Variants in SLF2 observed in about 807,000 individuals in gnomAD.
SLF2 encodes the protein SMC5/6 complex localization factor 2, also known as SMC5-SMC6 complex localization factor protein 2.
Under a neutral mutation model 124.3 loss-of-function variants are expected in SLF2, and 68 were observed. The ratio of observed to expected loss-of-function variants is 0.55; its 90% CI spans 0.45 to 0.67. SLF2 has a LOEUF of 0.67. Among genes scored for constraint, SLF2 ranks in the 30% least tolerant of loss-of-function variants. The pLI, the probability that SLF2 is intolerant of heterozygous loss-of-function variation, is 0.00. For synonymous variants in SLF2, 480 were observed against 478.8 expected, an observed-to-expected ratio of 1.00 and a Z score of -0.03; for missense variants, 1,246 against 1,373.7, an observed-to-expected ratio of 0.91 and a Z score of 1.47.
Position 100,956,548 on chromosome 10 carries a change from T to C in SLF2, c.3417+11T>C. On this transcript the variant is annotated intron_variant, in intron 18 of 19. Transcript: ENST00000238961. ...TTTTACAGAACTAAGGTAAGTGTGT[T>C]CTTTCTTTTTTTCTTTTTTTTTTTC... The C allele has an allele frequency of 2.6e-6, 4 of 1,566,958 alleles. No homozygotes were observed. The highest frequency in any genetic ancestry group is 3.5e-6 in the Non-Finnish European group (4 of 1,157,498).
chr10:100,920,970 A>G (rs961023947), intron 4 of SLF2, among the ~76,000 whole-genome samples: 1 of 152,186 alleles, frequency 6.6e-6, no homozygotes, highest in Non-Finnish European at 1.5e-5. Context: ...ATAAATAAAA[A>G]TAAAAATCCA....
At chr10:100,927,195 C>T (rs181576860) in intron 6 of SLF2, among the ~76,000 whole-genome samples, 1 of 152,078 alleles carries the variant, frequency 6.6e-6, no homozygotes, top group East Asian at 1.9e-4. Context: ...CATCTAGCTA[C>T]AGAACTTTTT....
chr10:100,953,311 T>C lies in SLF2; in HGVS notation c.3330+2558T>C, dbSNP rs1446622938. Among the ~76,000 whole-genome samples the C allele has an allele frequency of 2.0e-5, 3 of 147,302 alleles. No individual in the cohort carries two copies. The East Asian group carries it at 7.0e-4, about 35-fold the overall frequency. ...CTGGGATTACAGGCCTGATCCACCA[T>C]GCCGGCTATAAATTACTTTTTATGA... On this transcript the variant is annotated intron_variant, in intron 17 of 19. Transcript: ENST00000238961.
Position 100,924,734 on chromosome 10 carries a change from C to T in SLF2, c.1733C>T (p.Ser578Leu). The T allele has an allele frequency of 6.2e-7, 1 of 1,614,152 alleles. No individual in the cohort carries two copies. Among genetic ancestry groups the T allele is most frequent in the African/African-American group, 1.3e-5 (1 of 75,026 alleles). The change falls in exon 5 of 20, where the codon TCA (serine) becomes TTA (leucine). Residue 578 changes from serine (S) to leucine (L), a missense_variant. Transcript: ENST00000238961. ...GCAGCACCTTCAGATAAAGCCCCTT[C>T]AGAAGGAGAGAGTTCAGGAAATTCC... ...SPAAPSDKAP[S>L]EGESSGNSNA...
intron 18 of SLF2, 24 bp downstream of exon 18, chr10:100,956,561 C>CTTTT: frequency 8.1e-7 from 1 of 1,228,994 alleles, no homozygotes; most frequent in Non-Finnish European, 1.1e-6. Context: ...TTCTTTTTTT[C>CTTTT]TTTTTTTTTT....
rs374005550 is a variant in SLF2, at chr10:100,938,716, C to T, written c.2634C>T (p.Asp878=). 1 of 1,612,270 alleles carries T rather than the reference C, an allele frequency of 6.2e-7. No homozygotes were observed. The highest frequency in any genetic ancestry group is 1.1e-5 in the South Asian group (1 of 90,722). ...TTCCCCTGGAGAATCTTCAGCCAGA[C>T]TTTAATGAAGACTATCTAGTGTAAG... The part of the protein sequence containing the change: ...SLFPLENLQP[D]FNEDYLVSET... The change falls in exon 11 of 20, where the codon GAC becomes GAT. Residue 878 remains aspartate, a synonymous_variant. Coordinates refer to ENST00000238961, the MANE Select transcript of SLF2 (RefSeq NM_018121.4).
chr10:100,934,389 A>G (rs1849804610), intron 9 of SLF2, among the ~76,000 whole-genome samples: 2 of 152,160 alleles, frequency 1.3e-5, no homozygotes, highest in Admixed American at 1.3e-4. Context: ...CCCACCGTGG[A>G]ATTTTTCACC....
chr10:100,957,924 C>G (rs1243526190), intron 18 of SLF2, among the ~76,000 whole-genome samples: 1 of 151,986 alleles, frequency 6.6e-6, no homozygotes, highest in African/African-American at 2.4e-5. Flanking sequence ...TGGTGCGTGC[C>G]TGTAGTCTCA....
intron 18 of SLF2, among the ~76,000 whole-genome samples, chr10:100,956,874 T>C (rs536194694): frequency 1.4e-4 from 21 of 152,254 alleles, no homozygotes; most frequent in Admixed American, 3.3e-4. Context: ...TGCAGTGAGC[T>C]ATGAACACAC....
In SLF2 at chr10:100,917,270, C is replaced by G. The variant is rs1238847869; in HGVS notation, c.885C>G (p.Ile295Met). 1.2e-6 allele frequency: 2 copies of G among 1,611,022 alleles called. No individual in the cohort carries two copies. The highest frequency in any genetic ancestry group is 2.7e-5 in the African/African-American group (2 of 74,696). The change falls in exon 3 of 20, where the codon ATC becomes ATG. Residue 295 changes from isoleucine to methionine, a missense_variant. By Grantham distance (10) the Ile-to-Met change is conservative. Around this residue, in one of 3 missense-constraint regions of SLF2, gnomAD observed 698 missense variants for 708.9 expected, o/e 0.98. Transcript: ENST00000238961. ...PRQEQRKQND[I>M]IPGKNNLSNV... ...AGGAACAAAGGAAACAGAATGACAT[C>G]ATACCTGGAAAAAATAATCTGTCAA... is the stretch of plus-strand genomic sequence containing the variant.
chr10:100,929,364 G>C lies in SLF2; in HGVS notation c.2090G>C (p.Arg697Pro), dbSNP rs372366331. ...KQLQEDIRQGRGIKSPIRIGE... is the reference protein window; with the variant it reads ...KQLQEDIRQGPGIKSPIRIGE... ...CTACAAGAAGACATAAGGCAAGGCC[G>C]AGGCATTAAATCCCCAATCAGAATT... The change falls in exon 7 of 20, where the codon CGA becomes CCA. Residue 697 changes from arginine to proline, a missense_variant. Arg to Pro is a moderately radical substitution (Grantham distance 103, BLOSUM62 -2). Around this residue, in one of 3 missense-constraint regions of SLF2, gnomAD observed 535 missense variants for 632.8 expected, o/e 0.85. Transcript: ENST00000238961. The C allele has an allele frequency of 6.2e-7, 1 of 1,613,216 alleles. No individual in the cohort carries two copies. The highest frequency in any genetic ancestry group is 8.5e-7 in the Non-Finnish European group (1 of 1,179,356).
intron 4 of SLF2, 107 bp from the exon 5 acceptor site, chr10:100,923,868 A>G (rs1849561772): frequency 1.1e-6 from 1 of 871,750 alleles, no homozygotes; most frequent in South Asian, 3.1e-5. Context: ...TCTCAGCCTT[A>G]ATACTTAGAA....
intron 6 of SLF2, among the ~76,000 whole-genome samples, chr10:100,928,039 C>CACA (rs769598763): frequency 8.0e-4 from 36 of 45,054 alleles, no homozygotes; most frequent in African/African-American, 1.3e-3. Flanking sequence ...ACACCCCCCC[C>CACA]CCCCCCCACA....
At chr10:100,918,519 T>G (rs898934432) in intron 4 of SLF2, 78 bp downstream of exon 4, 3 of 923,826 alleles carry the variant, frequency 3.2e-6, no homozygotes, top group Non-Finnish European at 5.0e-6. Flanking sequence ...TAAATTTGTT[T>G]AAATATGCAG....
At chr10:100,945,650 T>A in intron 13 of SLF2, 144 bp downstream of exon 13, 1 of 651,818 alleles carries the variant, frequency 1.5e-6, no homozygotes, top group Non-Finnish European at 2.3e-6. Flanking sequence ...TTGCTGGAGC[T>A]GTATTATTTA....
chr10:100,960,508 T>A (rs1222431535), intron 19 of SLF2, among the ~76,000 whole-genome samples: 5 of 152,240 alleles, frequency 3.3e-5, no homozygotes, highest in Admixed American at 6.5e-5. Flanking sequence ...CCCTAATGAT[T>A]AATGGTGTTA....
Position 100,929,893 on chromosome 10 carries a change from A to T in SLF2, c.2229A>T (p.Glu743Asp). The change falls in exon 8 of 20, where the codon GAA (glutamate) becomes GAT (aspartate). Residue 743 changes from glutamate to aspartate, a missense_variant. Glu to Asp is a conservative substitution (Grantham distance 45, BLOSUM62 2). This residue lies in a region of SLF2 where 535 missense variants were observed against 632.8 expected (regional missense o/e 0.85). Transcript: ENST00000238961. Reference sequence around the variant, plus strand: ...TTCCTGATCATCATCCAGGTGAAGAAATATTTAATTTCCTCAATTCTGGAA... The same window carrying T: ...TTCCTGATCATCATCCAGGTGAAGATATATTTAATTTCCTCAATTCTGGAA... ...DAIPDHHPGE[E>D]IFNFLNSGKI... 1 of 1,598,872 alleles carries T rather than the reference A, an allele frequency of 6.3e-7. No homozygotes were observed. Among genetic ancestry groups the T allele is most frequent in the Non-Finnish European group, 8.5e-7 (1 of 1,174,750 alleles).
rs972693093 is a variant in SLF2, at chr10:100,934,874, G to A, written c.2437-2528G>A. 9.3e-5 allele frequency among the ~76,000 whole-genome samples: 14 copies of A among 150,752 alleles called. No homozygotes were observed. The East Asian group carries it at 1.4e-3, about 15-fold the overall frequency. ...TGACCTCGAGTGATCTGCCTGCCTC[G>A]GCCTCCCAAAGTGCTGGGATTACAG... On this transcript the variant is annotated intron_variant, in intron 9 of 19. Coordinates refer to ENST00000238961, the MANE Select transcript of SLF2 (RefSeq NM_018121.4).
rs988678748 is a variant in SLF2, at chr10:100,932,707, G to A, written c.2436+1629G>A. Among the ~76,000 whole-genome samples the A allele has an allele frequency of 6.8e-4, 57 of 83,738 alleles. 1 individual carries two copies. The highest frequency in any genetic ancestry group is 2.9e-3 in the Admixed American group (19 of 6,608). 54.9% of individuals were successfully genotyped at this position (83,738 alleles called of 152,430 possible). A position where few individuals can be genotyped will look rare whatever the true frequency, so the allele number is the denominator to read the frequency against. On this transcript the variant is annotated intron_variant, in intron 9 of 19. Transcript: ENST00000238961. ...ACAAACAATAAGTGTGTGTGTGTGT[G>A]TGTGTGTGTGTGTGCGCGCGCGCGC...
Sources: allele counts gnomAD v4.1 joint callset (sites outside exome capture counted in the v4.1 genomes callset), GRCh38; gene constraint gnomAD v4.1.1; regional missense constraint gnomAD v4.1.1; transcripts MANE v1.5; gene names NCBI Gene and HGNC (gene_info 2026-07-23, HGNC 2026-07-21).